IQCH: variants seen among roughly 807,000 people sequenced by gnomAD.
IQCH encodes IQ motif containing H.
A neutral mutation model predicts 117.0 loss-of-function variants in IQCH; 98 were observed. The observed-to-expected ratio is 0.84, with a 90% CI of 0.71 to 0.99. The LOEUF (loss-of-function observed/expected upper bound fraction) is 0.99, where lower values mean the gene tolerates loss of function less well. Among genes scored for constraint, IQCH ranks in the 50% least tolerant of loss-of-function variants. The pLI is 0.00. For missense variants in IQCH, 1,102 were observed against 1,243.8 expected (o/e 0.89, Z 1.72); for synonymous variants, 412 against 448.2 (o/e 0.92, Z 1.02).
chr15:67,314,174 C>T (rs1326067118), intron 4 of IQCH, among the ~76,000 whole-genome samples: 1 of 152,082 alleles, frequency 6.6e-6, no homozygotes. Flanking sequence ...TACTTCTCAC[C>T]CCTCTCTCCA....
At chr15:67,264,998 C>A (rs1965612791) in intron 3 of IQCH, among the ~76,000 whole-genome samples, 1 of 152,054 alleles carries the variant, frequency 6.6e-6, no homozygotes, top group South Asian at 2.1e-4. Context: ...ATCAAAGGAT[C>A]AAGCATACAA....
At chr15:67,324,526 C>T (rs1163608717) in intron 4 of IQCH, among the ~76,000 whole-genome samples, 2 of 148,680 alleles carry the variant, frequency 1.3e-5, no homozygotes, top group African/African-American at 4.9e-5. Context: ...AGGAGAATTG[C>T]TTGAACCCAG....
intron 4 of IQCH, among the ~76,000 whole-genome samples, chr15:67,332,326 G>A (rs1968702121): frequency 6.6e-6 from 1 of 152,126 alleles, no homozygotes; most frequent in Admixed American, 6.6e-5. Flanking sequence ...CCAACCAGGG[G>A]TGGAAAAGCA....
intron 6 of IQCH, among the ~76,000 whole-genome samples, chr15:67,350,903 C>T (rs1281066413): frequency 6.6e-6 from 1 of 152,016 alleles, no homozygotes; most frequent in African/African-American, 2.4e-5. Flanking sequence ...GAAAGGAAAG[C>T]ATAGGGAGCT....
At chr15:67,389,029 A>G (rs373172606) in intron 12 of IQCH, 23 bp downstream of exon 12, 18 of 1,591,260 alleles carry the variant, frequency 1.1e-5, no homozygotes, top group African/African-American at 6.7e-5. Context: ...TCTAATTACT[A>G]TGGTTTCAGG....
At position 67,465,307 on chromosome 15, in the gene IQCH, A is replaced by T; in HGVS notation, c.2676+10A>T. On this transcript the variant is annotated intron_variant, in intron 17 of 20. Transcript: ENST00000335894. The surrounding 1 kb of genome is among the most constrained non-coding windows in gnomAD (Gnocchi z 5.9). ...TGCGCTGTCAATGCCGGTAAGCAAGAGGTGCTTCCTGAAGGTTCTCGGTGT... is the reference window on the plus strand; with the variant it reads ...TGCGCTGTCAATGCCGGTAAGCAAGTGGTGCTTCCTGAAGGTTCTCGGTGT... 1 of 1,611,682 alleles carries T rather than the reference A, an allele frequency of 6.2e-7. No homozygotes were observed. The highest frequency in any genetic ancestry group is 8.5e-7 in the Non-Finnish European group (1 of 1,179,758).
In IQCH at chr15:67,473,194, C is replaced by A. The variant is rs1661277568; in HGVS notation, c.2677-2502C>A. Among the ~76,000 whole-genome samples the A allele has an allele frequency of 6.6e-6, 1 of 152,266 alleles. No homozygotes were observed. The highest frequency in any genetic ancestry group is 2.1e-4 in the South Asian group (1 of 4,828). On this transcript the variant is annotated intron_variant, in intron 17 of 20. Coordinates refer to ENST00000335894, the MANE Select transcript of IQCH (RefSeq NM_001031715.3). This position sits in a 1 kb window ranked among gnomAD's most constrained non-coding sequence, Gnocchi z 4.9. ...CATGCAATTACATGCTCAGTAACCA[C>A]AATGGAATTTGAGAGTGTTTACAGT... is the stretch of plus-strand genomic sequence containing the variant.
At chr15:67,487,194 G>C (rs1381360253) in intron 18 of IQCH, among the ~76,000 whole-genome samples, 1 of 152,048 alleles carries the variant, frequency 6.6e-6, no homozygotes, top group African/African-American at 2.4e-5. Context: ...TTAGCCAGAC[G>C]TGGTGCCATG....
chr15:67,378,154 C>T (rs537522872), intron 10 of IQCH, among the ~76,000 whole-genome samples: 1 of 152,142 alleles, frequency 6.6e-6, no homozygotes, highest in South Asian at 2.1e-4. Context: ...CTTGAACTCA[C>T]CTACATTTGT....
chr15:67,347,456 T>C lies in IQCH; in HGVS notation c.637+3265T>C, dbSNP rs554906313. Among the ~76,000 whole-genome samples the C allele has an allele frequency of 3.9e-5, 6 of 152,188 alleles. No individual in the cohort carries two copies. In the South Asian group the frequency reaches 1.2e-3, roughly 31 times the overall value. ...ATGGACAAATTCTTTGAAAGACAGA[T>C]ACTACCTAAGCTCACTCCAGAAGAA... On this transcript the variant is annotated intron_variant, in intron 6 of 20. Transcript: ENST00000335894.
chr15:67,318,563 C>T (rs1033422252), intron 4 of IQCH, among the ~76,000 whole-genome samples: 11 of 152,140 alleles, frequency 7.2e-5, no homozygotes, highest in Non-Finnish European at 1.6e-4. Flanking sequence ...TAGTATTCAT[C>T]ATCTTGAAGA....
chr15:67,358,103 C>G (rs1011406753), intron 7 of IQCH, among the ~76,000 whole-genome samples: 2 of 150,012 alleles, frequency 1.3e-5, no homozygotes, highest in African/African-American at 4.9e-5. Flanking sequence ...AAGTGACCCA[C>G]CTGCCTCGGC....
chr15:67,406,216 T>G lies in IQCH; in HGVS notation c.2097+5911T>G, dbSNP rs893853697. The G allele has an allele frequency of 2.0e-5, 3 of 152,188 alleles. No individual in the cohort carries two copies. Among genetic ancestry groups the G allele is most frequent in the African/African-American group, 4.8e-5 (2 of 41,440 alleles). 9.4% of individuals were successfully genotyped at this position (152,188 alleles called of 1,614,324 possible). ...ACAATCAGATGTAGCATTAAAAATATGGTAAGCATTTAAAACCCTTGTTTT... is the reference window on the plus strand; with the variant it reads ...ACAATCAGATGTAGCATTAAAAATAGGGTAAGCATTTAAAACCCTTGTTTT... On this transcript the variant is annotated intron_variant, in intron 14 of 20. Coordinates refer to ENST00000335894, the MANE Select transcript of IQCH (RefSeq NM_001031715.3). This position sits in a 1 kb window ranked among gnomAD's most constrained non-coding sequence, Gnocchi z 4.5.
chr15:67,400,921 T>A (rs1971635579), intron 14 of IQCH, among the ~76,000 whole-genome samples: 1 of 152,200 alleles, frequency 6.6e-6, no homozygotes, highest in Non-Finnish European at 1.5e-5. Context: ...TAATTTGCCC[T>A]AAGTGGTTCT....
At chr15:67,444,014 G>C (rs1001262744) in intron 16 of IQCH, among the ~76,000 whole-genome samples, 3 of 152,234 alleles carry the variant, frequency 2.0e-5, no homozygotes, top group African/African-American at 7.2e-5. Flanking sequence ...TGCCAAGCCT[G>C]TGTTCTTTCT....
rs2082751549 is a variant in IQCH at position 67,459,998 on chromosome 15, AAATT to A, written c.2506-5127_2506-5124del. 3 of 152,230 alleles carry A rather than the reference AAATT, an allele frequency of 2.0e-5. No individual in the cohort carries two copies. In the South Asian group the frequency reaches 6.2e-4, roughly 31 times the overall value. The allele number at this position is 152,230 out of a possible 1,614,324, so 9.4% of individuals were successfully genotyped here. A position where few individuals can be genotyped will look rare whatever the true frequency, so the allele number is the denominator to read the frequency against. ...TCTCTACAAAAAAGGAAAGAAAAAA[AAATT>A]AGCAGGGTTTGGTGGTGCAAACCTA... On this transcript the variant is annotated intron_variant, in intron 16 of 20. Transcript: ENST00000335894. The surrounding 1 kb of genome is among the most constrained non-coding windows in gnomAD (Gnocchi z 4.2).
chr15:67,422,993 A>G lies in IQCH; in HGVS notation c.2505+1416A>G, dbSNP rs1177695989. Among the ~76,000 whole-genome samples, 3 of 152,112 alleles carry G rather than the reference A, an allele frequency of 2.0e-5. No individual in the cohort carries two copies. Among genetic ancestry groups the G allele is most frequent in the Non-Finnish European group, 2.9e-5 (2 of 68,012 alleles). ...ATTATTCTCAGTTTTACAGTTCTCC[A>G]TTTCAGTCAGATGATGGTTTCAAAG... On this transcript the variant is annotated intron_variant, in intron 16 of 20. Transcript: ENST00000335894. The surrounding 1 kb of genome is among the most constrained non-coding windows in gnomAD (Gnocchi z 4.7).
chr15:67,457,447 C>A lies in IQCH; in HGVS notation c.2506-7680C>A, dbSNP rs2082686111. Among the ~76,000 whole-genome samples the A allele has an allele frequency of 6.6e-6, 1 of 152,214 alleles. No individual in the cohort carries two copies. On this transcript the variant is annotated intron_variant, in intron 16 of 20. Transcript: ENST00000335894. This position sits in a 1 kb window ranked among gnomAD's most constrained non-coding sequence, Gnocchi z 5.7. Reference sequence around the variant, plus strand: ...TCTGAGGCCTGTATTTAAATAGCATCTGCAAAGAGTTAAATGTGCTCCCTG... The same window carrying A: ...TCTGAGGCCTGTATTTAAATAGCATATGCAAAGAGTTAAATGTGCTCCCTG...
In IQCH at chr15:67,466,534, G is replaced by C. The variant is rs2082937883; in HGVS notation, c.2676+1237G>C. ...TCCTGCCTCTCTGTGAACCCCTTTG[G>C]GTCCAGTCTGGATTTGAATAACCTT... is the stretch of plus-strand genomic sequence containing the variant. On this transcript the variant is annotated intron_variant, in intron 17 of 20. Coordinates refer to ENST00000335894, the MANE Select transcript of IQCH (RefSeq NM_001031715.3). The surrounding 1 kb of genome is among the most constrained non-coding windows in gnomAD (Gnocchi z 4.4). 6.6e-6 allele frequency: 1 copy of C among 152,060 alleles called. No homozygotes were observed. The highest frequency in any genetic ancestry group is 6.6e-5 in the Admixed American group (1 of 15,254). The allele number at this position is 152,060 out of a possible 1,614,324, so 9.4% of individuals were successfully genotyped here. A position where few individuals can be genotyped will look rare whatever the true frequency, so the allele number is the denominator to read the frequency against.
Sources: allele counts gnomAD v4.1 joint callset (sites outside exome capture counted in the v4.1 genomes callset), GRCh38; gene constraint gnomAD v4.1.1; non-coding constraint Gnocchi (gnomAD v3.1); transcripts MANE v1.5; gene names NCBI Gene and HGNC (gene_info 2026-07-23, HGNC 2026-07-21).